MAT2B: variants seen among roughly 807,000 people sequenced by gnomAD.
MAT2B encodes methionine adenosyltransferase 2 non-catalytic beta subunit.
In MAT2B, 16 loss-of-function variants were observed where a neutral mutation model predicts 36.1. The observed-to-expected ratio is 0.44, with a 90% confidence interval of 0.30 to 0.67. The LOEUF is 0.67. Among genes scored for constraint, MAT2B ranks in the 30% least tolerant of loss-of-function variants. The pLI, the probability that MAT2B is intolerant of heterozygous loss-of-function variation, is 0.09. For synonymous variants in MAT2B, 148 were observed against 136.9 expected (o/e 1.08, Z -0.57); for missense variants, 332 against 398.2 (o/e 0.83, Z 1.42).
rs761182503 is a variant in MAT2B, at chr5:163,513,825, GTCT to G, written c.374-12_374-10del. 2.5e-5 allele frequency: 40 copies of G among 1,599,834 alleles called. No homozygotes were observed. The highest frequency in any genetic ancestry group is 3.2e-5 in the Non-Finnish European group (37 of 1,173,772). ...TGTCATGTAAACATTTAATAGATTTGTCTTCTTTTTTTGTAGCTGCTGTTGGAG... is the reference window on the plus strand; with the variant it reads ...TGTCATGTAAACATTTAATAGATTTGTCTTTTTTTGTAGCTGCTGTTGGAG... On this transcript the variant is annotated splice_polypyrimidine_tract_variant and intron_variant, in intron 3 of 6. Transcript: ENST00000321757.
At chr5:163,503,934 C>T (rs1222034189), upstream of MAT2B, among the ~76,000 whole-genome samples, 3 of 152,100 alleles carry the variant, frequency 2.0e-5, no homozygotes, top group Non-Finnish European at 4.4e-5. Context: ...AAACATATGC[C>T]CCTAGAACTG....
At position 163,505,663 on chromosome 5, in the gene MAT2B, G is replaced by A; in HGVS notation, c.-24G>A. 1 of 1,274,686 alleles carries A rather than the reference G, an allele frequency of 7.8e-7. No homozygotes were observed. The highest frequency in any genetic ancestry group is 1.0e-6 in the Non-Finnish European group (1 of 1,003,154). 79.0% of individuals were successfully genotyped at this position (1,274,686 alleles called of 1,614,324 possible). A position where few individuals can be genotyped will look rare whatever the true frequency, so the allele number is the denominator to read the frequency against. ...GGTTGGAGGAGGTGGCGGCCGCTGA[G>A]GCTGCGGCGTGAAGACGGCGGGCAT... On this transcript the variant is annotated 5_prime_UTR_variant, in exon 1 of 7. Coordinates refer to ENST00000321757, the MANE Select transcript of MAT2B (RefSeq NM_013283.5).
At chr5:163,513,521 T>C (rs762134013) in intron 2 of MAT2B, 34 bp from the exon 3 acceptor site, 1 of 1,265,488 alleles carries the variant, frequency 7.9e-7, no homozygotes, top group Non-Finnish European at 1.1e-6. Flanking sequence ...TCATTTTATT[T>C]TGAGTTAAAA....
rs1156300585 is a variant in MAT2B, at chr5:163,505,686, C to A, written c.-1C>A. On this transcript the variant is annotated 5_prime_UTR_variant, in exon 1 of 7. Transcript: ENST00000321757. The stretch of plus-strand genomic sequence containing the variant: ...GAGGCTGCGGCGTGAAGACGGCGGG[C>A]ATGGTGGGGCGGGAGAAAGAGCTCT... The A allele has an allele frequency of 7.8e-7, 1 of 1,283,612 alleles. No homozygotes were observed. Among genetic ancestry groups the A allele is most frequent in the Non-Finnish European group, 9.9e-7 (1 of 1,007,750 alleles). The allele number at this position is 1,283,612 out of a possible 1,614,324, so 79.5% of individuals were successfully genotyped here.
Position 163,505,718 on chromosome 5 carries a change from A to G in MAT2B, c.32A>G (p.His11Arg), listed in dbSNP as rs1759921541. 4 of 1,284,932 alleles carry G rather than the reference A, an allele frequency of 3.1e-6. No homozygotes were observed. Among genetic ancestry groups the G allele is most frequent in the South Asian group, 3.6e-5 (1 of 27,908 alleles). 79.6% of individuals were successfully genotyped at this position (1,284,932 alleles called of 1,614,324 possible). MVGREKELSIHFVPGSCRLVE... is the reference protein window; with the variant it reads MVGREKELSIRFVPGSCRLVE... ...GGGCGGGAGAAAGAGCTCTCTATAC[A>G]CTTTGTTCCCGGGAGCTGTCGGCTG... Residue 11 changes from histidine (H) to arginine (R), a missense_variant, in exon 1 of 7, where the codon CAC (histidine) becomes CGC (arginine). Coordinates refer to ENST00000321757, the MANE Select transcript of MAT2B (RefSeq NM_013283.5).
intron 6 of MAT2B, 111 bp from the exon 7 acceptor site, chr5:163,518,082 A>G: frequency 2.8e-6 from 2 of 714,064 alleles, no homozygotes; most frequent in Non-Finnish European, 4.4e-6. Flanking sequence ...GGGAGATCTC[A>G]TCTCTGTTTA....
intron 1 of MAT2B, among the ~76,000 whole-genome samples, chr5:163,510,714 G>A (rs969745505): frequency 6.6e-6 from 1 of 152,118 alleles, no homozygotes; most frequent in Admixed American, 6.5e-5. Context: ...ACTCTTCTAT[G>A]TAGGTAAATT....
At chr5:163,514,918 C>A (rs1033055240) in intron 4 of MAT2B, among the ~76,000 whole-genome samples, 1 of 152,124 alleles carries the variant, frequency 6.6e-6, no homozygotes, top group Non-Finnish European at 1.5e-5. Flanking sequence ...TTATAAAGAA[C>A]AGAAATTTAT....
At chr5:163,515,774 T>TTC (rs1207865253) in intron 4 of MAT2B, among the ~76,000 whole-genome samples, 29,000 of 106,938 alleles carry the variant, frequency 0.27, 4,767 homozygotes, top group African/African-American at 0.45. Context: ...CTTTTTCTTT[T>TTC]TTTTTTTTTT....
intron 5 of MAT2B, 53 bp downstream of exon 5, chr5:163,516,764 A>G (rs1409055801): frequency 1.9e-5 from 31 of 1,592,596 alleles, no homozygotes; most frequent in Non-Finnish European, 2.4e-5. Flanking sequence ...TGTCTTTTCC[A>G]TGCTTGAACT....
chr5:163,510,606 AG>A (rs1342967194), intron 1 of MAT2B, among the ~76,000 whole-genome samples: 1 of 152,098 alleles, frequency 6.6e-6, no homozygotes, highest in Non-Finnish European at 1.5e-5. Context: ...CATGTTGGCC[AG>A]GCTGGTCTTG....
At chr5:163,515,249 A>C (rs1441464292) in intron 4 of MAT2B, among the ~76,000 whole-genome samples, 1 of 152,206 alleles carries the variant, frequency 6.6e-6, no homozygotes, top group African/African-American at 2.4e-5. Flanking sequence ...AAAATGTTTG[A>C]TTTGCAGTTA....
intron 1 of MAT2B, among the ~76,000 whole-genome samples, chr5:163,509,652 CTT>C (rs1176468504): frequency 6.6e-6 from 1 of 152,174 alleles, no homozygotes; most frequent in African/African-American, 2.4e-5. Context: ...AATTATCTCT[CTT>C]TTAGAGTATT....
intron 1 of MAT2B, among the ~76,000 whole-genome samples, chr5:163,506,071 C>G (rs1241838148): frequency 6.6e-6 from 1 of 152,142 alleles, no homozygotes. Flanking sequence ...TGGTTTTCCC[C>G]GTTTATTCAT....
chr5:163,503,634 A>C (rs1178290558), upstream of MAT2B, among the ~76,000 whole-genome samples: 1 of 152,236 alleles, frequency 6.6e-6, no homozygotes, highest in Non-Finnish European at 1.5e-5. Flanking sequence ...GGCTCAGCTA[A>C]GTCTCACTAG....
At chr5:163,504,446 GAA>G (rs1759895549), upstream of MAT2B, among the ~76,000 whole-genome samples, 3 of 152,206 alleles carry the variant, frequency 2.0e-5, no homozygotes, top group Admixed American at 2.0e-4. Context: ...GAGGAGGAAG[GAA>G]AGTCATGGTG....
chr5:163,509,008 G>C (rs866246380), intron 1 of MAT2B, among the ~76,000 whole-genome samples: 1 of 152,020 alleles, frequency 6.6e-6, no homozygotes, highest in East Asian at 1.9e-4. Flanking sequence ...CCTTTTTTAC[G>C]TTAAGGTATT....
upstream of MAT2B, among the ~76,000 whole-genome samples, chr5:163,505,239 T>G (rs1028302771): frequency 6.6e-6 from 1 of 151,556 alleles, no homozygotes; most frequent in South Asian, 2.1e-4. Flanking sequence ...CCCCCATGAC[T>G]TTAAAATGCT....
intron 5 of MAT2B, 154 bp from the exon 6 acceptor site, chr5:163,517,407 G>A (rs1357903449): frequency 6.7e-6 from 3 of 449,554 alleles, no homozygotes; most frequent in African/African-American, 5.9e-5. Context: ...GTATTAGTAG[G>A]AATTTGATTT....
Sources: allele counts gnomAD v4.1 joint callset (sites outside exome capture counted in the v4.1 genomes callset), GRCh38; gene constraint gnomAD v4.1.1; transcripts MANE v1.5; gene names NCBI Gene and HGNC (gene_info 2026-07-23, HGNC 2026-07-21).